The following SLC25A24 variants were observed in gnomAD, a reference collection of about 807,000 sequenced individuals.
The protein encoded by SLC25A24 is mitochondrial adenyl nucleotide antiporter SLC25A24.
SLC25A24 carries 49 observed loss-of-function variants against 60.7 expected under a neutral mutation model. That is an observed-to-expected ratio of 0.81 (90% CI 0.64 to 1.02). SLC25A24 has a LOEUF of 1.02. Among genes scored for constraint, SLC25A24 ranks in the 50% least tolerant of loss-of-function variants. SLC25A24 has a pLI of 0.00. For missense variants in SLC25A24, 564 were observed against 586.3 expected, an observed-to-expected ratio of 0.96 and a Z score of 0.39; for synonymous variants, 202 against 200.6, an observed-to-expected ratio of 1.01 and a Z score of -0.06.
chr1:108,167,701 T>C (rs1421607762), intron 3 of SLC25A24, among the ~76,000 whole-genome samples: 1 of 152,296 alleles, frequency 6.6e-6, no homozygotes, highest in Admixed American at 6.5e-5. Flanking sequence ...TGGCACTCCC[T>C]AGTGAGATGA....
intron 1 of SLC25A24, among the ~76,000 whole-genome samples, chr1:108,189,934 G>A (rs1252265403): frequency 6.6e-6 from 1 of 151,726 alleles, no homozygotes; most frequent in East Asian, 1.9e-4. Context: ...CACAGTTTCA[G>A]GTATTCAGTG....
chr1:108,199,888 G>C, intron 1 of SLC25A24, 68 bp downstream of exon 1: 1 of 1,252,426 alleles, frequency 8.0e-7, no homozygotes, highest in Non-Finnish European at 1.1e-6. Flanking sequence ...CGCCCTCCTC[G>C]GTCCTCGCAG....
At chr1:108,196,500 A>G (rs1239952411) in intron 1 of SLC25A24, among the ~76,000 whole-genome samples, 1 of 152,246 alleles carries the variant, frequency 6.6e-6, no homozygotes, top group Non-Finnish European at 1.5e-5. Flanking sequence ...GTCAATTTAC[A>G]CCAAGGACGG....
At chr1:108,187,466 G>T (rs1648172164) in intron 1 of SLC25A24, among the ~76,000 whole-genome samples, 1 of 152,060 alleles carries the variant, frequency 6.6e-6, no homozygotes, top group Non-Finnish European at 1.5e-5. Context: ...ATGTCAGAAA[G>T]TAAAGATGGA....
intron 3 of SLC25A24, among the ~76,000 whole-genome samples, chr1:108,178,242 T>C (rs1003858696): frequency 3.9e-5 from 6 of 152,090 alleles, no homozygotes; most frequent in African/African-American, 1.4e-4. Flanking sequence ...GAGACTGCAA[T>C]ACAGCAATAG....
chr1:108,136,674 A>C lies in SLC25A24; in HGVS notation c.1413T>G (p.Thr471=). 6.2e-7 allele frequency: 1 copy of C among 1,613,592 alleles called. No individual in the cohort carries two copies. Among genetic ancestry groups the C allele is most frequent in the East Asian group, 2.2e-5 (1 of 44,874 alleles). Residue 471 remains threonine (T), a synonymous_variant, in exon 10 of 10, where the codon ACT becomes ACG. Coordinates refer to ENST00000565488, the MANE Select transcript of SLC25A24 (RefSeq NM_013386.5). The part of the protein sequence containing the change: ...SYVVYENMKQ[T]LGVTQK ...AACATCATTTCTGGGTTACTCCTAA[A>C]GTTTGCTTCATATTTTCATAAACCA... is the stretch of plus-strand genomic sequence containing the variant.
chr1:108,157,441 A>G, intron 5 of SLC25A24, 21 bp downstream of exon 5: 4 of 1,605,008 alleles, frequency 2.5e-6, no homozygotes, highest in Non-Finnish European at 3.4e-6. Flanking sequence ...GCAAACCTGG[A>G]CACACGATAA....
intron 3 of SLC25A24, among the ~76,000 whole-genome samples, chr1:108,172,507 G>C (rs1018739964): frequency 5.3e-5 from 8 of 152,168 alleles, no homozygotes; most frequent in African/African-American, 1.9e-4. Flanking sequence ...GATGGTGAGA[G>C]AAGGACAAGA....
chr1:108,160,626 C>T (rs987106611), intron 4 of SLC25A24, among the ~76,000 whole-genome samples: 4 of 152,172 alleles, frequency 2.6e-5, no homozygotes, highest in Non-Finnish European at 5.9e-5. Context: ...TGTAGCGAGC[C>T]GAGATCATGC....
At position 108,136,546 on chromosome 1, in the gene SLC25A24, A is replaced by G. The variant is rs972377992; in HGVS notation, c.*107T>C. ...TTGTTACCATCTTCCCTTTTGTGAA[A>G]AAAATGCAGCTTCTTTTGCCATAGA... On this transcript the variant is annotated 3_prime_UTR_variant, in exon 10 of 10. Transcript: ENST00000565488. The G allele has an allele frequency of 1.0e-6, 1 of 958,908 alleles. No homozygotes were observed. The highest frequency in any genetic ancestry group is 1.6e-6 in the Non-Finnish European group (1 of 638,372). 59.4% of individuals were successfully genotyped at this position (958,908 alleles called of 1,614,324 possible).
At chr1:108,194,821 T>G (rs544044882) in intron 1 of SLC25A24, among the ~76,000 whole-genome samples, 1 of 152,330 alleles carries the variant, frequency 6.6e-6, no homozygotes, top group South Asian at 2.1e-4. Flanking sequence ...CTATTTATGC[T>G]AAGTTACTGG....
chr1:108,157,815 G>T, intron 4 of SLC25A24, among the ~76,000 whole-genome samples, 195 bp from the exon 5 acceptor site: 1 of 152,112 alleles, frequency 6.6e-6, no homozygotes, highest in East Asian at 1.9e-4. Flanking sequence ...CAGTTCACAA[G>T]AAATGAAAAT....
intron 4 of SLC25A24, among the ~76,000 whole-genome samples, chr1:108,159,738 C>A (rs1680004973): frequency 1.3e-5 from 2 of 151,520 alleles, no homozygotes; most frequent in South Asian, 2.1e-4. Flanking sequence ...TCCATTTAAC[C>A]CTGAGTGGAC....
intron 3 of SLC25A24, among the ~76,000 whole-genome samples, chr1:108,166,711 GTT>G (rs1165727227): frequency 2.6e-5 from 4 of 152,140 alleles, no homozygotes; most frequent in African/African-American, 9.6e-5. Flanking sequence ...TTTTTTCAAA[GTT>G]TTCAACTTCT....
chr1:108,164,576 G>A (rs1680189025), intron 3 of SLC25A24, among the ~76,000 whole-genome samples: 1 of 150,334 alleles, frequency 6.7e-6, no homozygotes, highest in Non-Finnish European at 1.5e-5. Flanking sequence ...TAGTTTATTT[G>A]CATAGAGGTG....
In SLC25A24 at chr1:108,143,558, A is replaced by G. The variant is rs777911044; in HGVS notation, c.1083T>C (p.Asp361=). 10 of 1,612,812 alleles carry G rather than the reference A, an allele frequency of 6.2e-6. No individual in the cohort carries two copies. The highest frequency in any genetic ancestry group is 8.5e-6 in the Non-Finnish European group (10 of 1,179,538). ...LLGIIPYAGI[D]LAVYELLKSY... ...ACAAACTCACCTCATACACAGCAAG[A>G]TCTATGCCTGCATAAGGTATGATAC... Residue 361 remains aspartate (D), a synonymous_variant, in exon 8 of 10, where the codon GAT becomes GAC. Coordinates refer to ENST00000565488, the MANE Select transcript of SLC25A24 (RefSeq NM_013386.5).
At position 108,136,663 on chromosome 1, in the gene SLC25A24, G is replaced by T. The variant is rs765947046; in HGVS notation, c.1424C>A (p.Thr475Asn). ...GCAAAAAATGCAACATCATTTCTGG[G>T]TTACTCCTAAAGTTTGCTTCATATT... ...YENMKQTLGV[T>N]QK Residue 475 changes from threonine (T) to asparagine (N), a missense_variant, in exon 10 of 10, where the codon ACC becomes AAC. Physicochemically the swap from Thr to Asn is moderately conservative, Grantham distance 65 (BLOSUM62 0). Coordinates refer to ENST00000565488, the MANE Select transcript of SLC25A24 (RefSeq NM_013386.5). 6.2e-7 allele frequency: 1 copy of T among 1,612,354 alleles called. No homozygotes were observed. Among genetic ancestry groups the T allele is most frequent in the Non-Finnish European group, 8.5e-7 (1 of 1,178,942 alleles).
At position 108,161,208 on chromosome 1, in the gene SLC25A24, T is replaced by G; in HGVS notation, c.484A>C (p.Ile162Leu). The G allele has an allele frequency of 6.3e-7, 1 of 1,578,932 alleles. No homozygotes were observed. The highest frequency in any genetic ancestry group is 8.7e-7 in the Non-Finnish European group (1 of 1,148,922). ...GTAGAATGTTTCCAGAAACGGATAA[T>G]TTCCTCAATGTCTGTAACAGGATTA... is the stretch of plus-strand genomic sequence containing the variant. ...LFNPVTDIEE[I>L]IRFWKHSTGI... The change falls in exon 4 of 10, where the codon ATT (isoleucine) becomes CTT (leucine). Residue 162 changes from isoleucine to leucine, a missense_variant. Physicochemically the swap from Ile to Leu is conservative, Grantham distance 5. Transcript: ENST00000565488.
At chr1:108,183,945 T>C (rs1648027193) in intron 2 of SLC25A24, among the ~76,000 whole-genome samples, 1 of 152,134 alleles carries the variant, frequency 6.6e-6, no homozygotes, top group Admixed American at 6.5e-5. Context: ...GGGGTTACTT[T>C]GGGGATAAAT....
Sources: allele counts gnomAD v4.1 joint callset (sites outside exome capture counted in the v4.1 genomes callset), GRCh38; gene constraint gnomAD v4.1.1; transcripts MANE v1.5; gene names NCBI Gene and HGNC (gene_info 2026-07-23, HGNC 2026-07-21).